CENPF: variants seen among roughly 807,000 people sequenced by gnomAD.
CENPF encodes the protein centromere protein F.
Under a neutral mutation model 307.3 loss-of-function variants are expected in CENPF, and 214 were observed. The observed-to-expected ratio is 0.70, with a 90% CI of 0.62 to 0.78. CENPF has a LOEUF of 0.78. CENPF is among the 30% of genes least tolerant of loss of function. CENPF has a pLI of 0.00. For missense variants in CENPF, 3,401 were observed against 3,483.9 expected (o/e 0.98, Z 0.60); for synonymous variants, 1,259 against 1,270.6 (o/e 0.99, Z 0.19).
At chr1:214,632,148 G>A (rs950365737) in intron 9 of CENPF, among the ~76,000 whole-genome samples, 3 of 152,058 alleles carry the variant, frequency 2.0e-5, no homozygotes, top group African/African-American at 7.3e-5. Flanking sequence ...TTGAAAATGT[G>A]TTCTCTTAGC....
In CENPF at chr1:214,663,935, T is replaced by C; in HGVS notation, c.*141T>C. ...CTTAGAAGTCTTAAATATATTGTAC[T>C]CTTTAGATCTCCCATGTGTAGGTAT... On this transcript the variant is annotated 3_prime_UTR_variant, in exon 20 of 20. Coordinates refer to ENST00000366955, the MANE Select transcript of CENPF (RefSeq NM_016343.4). 1 of 661,206 alleles carries C rather than the reference T, an allele frequency of 1.5e-6. No homozygotes were observed. Among genetic ancestry groups the C allele is most frequent in the African/African-American group, 1.8e-5 (1 of 55,206 alleles). The allele number at this position is 661,206 out of a possible 1,614,324, so 41.0% of individuals were successfully genotyped here. A position where few individuals can be genotyped will look rare whatever the true frequency, so the allele number is the denominator to read the frequency against.
At position 214,622,117 on chromosome 1, in the gene CENPF, C is replaced by A. The variant is rs1657522115; in HGVS notation, c.904C>A (p.Gln302Lys). Residue 302 changes from glutamine to lysine, a missense_variant, in exon 7 of 20, where the codon CAA becomes AAA. By Grantham distance (53) the Gln-to-Lys change is moderately conservative. Transcript: ENST00000366955. ...GATTAATGAGTTGGAACTACGCCTG[C>A]AAGGACATGAAAAAGAAATGAAAGG... ...NKINELELRLQGHEKEMKGQV... is the reference protein window; with the variant it reads ...NKINELELRLKGHEKEMKGQV... The A allele has an allele frequency of 1.2e-6, 2 of 1,613,858 alleles. No homozygotes were observed. Among genetic ancestry groups the A allele is most frequent in the African/African-American group, 1.3e-5 (1 of 74,886 alleles).
rs755577467 is a variant in CENPF, at chr1:214,657,092, A to G, written c.8645A>G (p.Glu2882Gly). The change falls in exon 18 of 20, where the codon GAG (glutamate) becomes GGG (glycine). Residue 2882 changes from glutamate to glycine, a missense_variant. Physicochemically the swap from Glu to Gly is moderately conservative, Grantham distance 98. Coordinates refer to ENST00000366955, the MANE Select transcript of CENPF (RefSeq NM_016343.4). ...EKLEKAKEML[E>G]TQVAHLCSQQ... The stretch of plus-strand genomic sequence containing the variant: ...TTAGAGAAAGCTAAAGAGATGTTAG[A>G]GACACAAGTGGCCCATCTGTGTTCA... 2 of 1,614,224 alleles carry G rather than the reference A, an allele frequency of 1.2e-6. No homozygotes were observed. The highest frequency in any genetic ancestry group is 2.2e-5 in the South Asian group (2 of 91,088).
rs1279454701 is a variant in CENPF, at chr1:214,646,885, G to T, written c.7315G>T (p.Ala2439Ser). The change falls in exon 13 of 20, where the codon GCC becomes TCC. Residue 2439 changes from alanine to serine, a missense_variant. Physicochemically the swap from Ala to Ser is moderately conservative, Grantham distance 99 (BLOSUM62 1). Transcript: ENST00000366955. ...KVQMKEKSSTAMEMLQTQLKE... is the reference protein window; with the variant it reads ...KVQMKEKSSTSMEMLQTQLKE... ...ACAGATGAAAGAAAAATCAAGCACT[G>T]CCATGGAGATGCTTCAAACACAATT... 5 of 1,613,914 alleles carry T rather than the reference G, an allele frequency of 3.1e-6. No individual in the cohort carries two copies. The East Asian group carries it at 8.9e-5, about 29-fold the overall frequency.
At chr1:214,616,661 A>G (rs1657345220) in intron 3 of CENPF, among the ~76,000 whole-genome samples, 1 of 152,170 alleles carries the variant, frequency 6.6e-6, no homozygotes, top group South Asian at 2.1e-4. Flanking sequence ...GAACATTTCC[A>G]TTGGACCTTG....
At chr1:214,632,848 C>T (rs182709429) in intron 10 of CENPF, among the ~76,000 whole-genome samples, 89 of 152,242 alleles carry the variant, frequency 5.8e-4, no homozygotes, top group African/African-American at 2.0e-3. Flanking sequence ...GCATATCTAG[C>T]AATATGTGTC....
At chr1:214,609,582 T>A (rs1260994058) in intron 1 of CENPF, among the ~76,000 whole-genome samples, 1 of 152,204 alleles carries the variant, frequency 6.6e-6, no homozygotes, top group Non-Finnish European at 1.5e-5. Context: ...AAAATATTAT[T>A]TTTTTCTTAG....
At chr1:214,615,083 G>A in intron 3 of CENPF, 55 bp downstream of exon 3, 1 of 1,233,996 alleles carries the variant, frequency 8.1e-7, no homozygotes. Context: ...TTAATCAGAT[G>A]CGTTTGTCTT....
chr1:214,649,725 G>T (rs1434067107), intron 14 of CENPF, among the ~76,000 whole-genome samples: 1 of 152,188 alleles, frequency 6.6e-6, no homozygotes, highest in Admixed American at 6.5e-5. Context: ...TGATATTTGT[G>T]TATTGCGTCT....
intron 9 of CENPF, 69 bp from the exon 10 acceptor site, chr1:214,632,411 T>A: frequency 6.5e-7 from 1 of 1,538,762 alleles, no homozygotes; most frequent in Non-Finnish European, 8.9e-7. Context: ...TTTTATTGTT[T>A]AAGAATACAT....
chr1:214,618,777 C>A, intron 4 of CENPF, 83 bp downstream of exon 4: 3 of 1,349,346 alleles, frequency 2.2e-6, no homozygotes, highest in Non-Finnish European at 3.1e-6. Context: ...ATTAATTCAA[C>A]TTTGAATTAA....
In CENPF at chr1:214,646,816, T is replaced by A. The variant is rs1344126166; in HGVS notation, c.7246T>A (p.Ser2416Thr). ...ERISELEIIN[S>T]SFENILQEKE... Reference sequence around the variant, plus strand: ...AATATCTGAATTAGAAATAATAAATTCATCATTTGAAAATATTTTGCAAGA... The same window carrying A: ...AATATCTGAATTAGAAATAATAAATACATCATTTGAAAATATTTTGCAAGA... Residue 2416 changes from serine to threonine, a missense_variant, in exon 13 of 20, where the codon TCA (serine) becomes ACA (threonine). Ser to Thr is a moderately conservative substitution (Grantham distance 58). Coordinates refer to ENST00000366955, the MANE Select transcript of CENPF (RefSeq NM_016343.4). 1.2e-6 allele frequency: 2 copies of A among 1,610,146 alleles called. No homozygotes were observed. Among genetic ancestry groups the A allele is most frequent in the Non-Finnish European group, 1.7e-6 (2 of 1,178,872 alleles).
chr1:214,663,561 G>C, intron 19 of CENPF, 30 bp from the exon 20 acceptor site: 1 of 1,605,126 alleles, frequency 6.2e-7, no homozygotes, highest in Non-Finnish European at 8.5e-7. Flanking sequence ...GAATGTGATT[G>C]AACCTCTAAC....
Position 214,644,689 on chromosome 1 carries a change from G to A in CENPF, c.5119G>A (p.Glu1707Lys). The part of the protein sequence containing the change: ...DAQQDLNLDI[E>K]KITETGAVKP... ...TCAGCAGGACCTCAATCTAGACATT[G>A]AGAAAATAACTGAGACTGGTGCAGT... is the stretch of plus-strand genomic sequence containing the variant. Residue 1707 changes from glutamate to lysine, a missense_variant, in exon 13 of 20, where the codon GAG becomes AAG. By Grantham distance (56) the Glu-to-Lys change is moderately conservative. Coordinates refer to ENST00000366955, the MANE Select transcript of CENPF (RefSeq NM_016343.4). 6.2e-7 allele frequency: 1 copy of A among 1,614,010 alleles called. No homozygotes were observed. Among genetic ancestry groups the A allele is most frequent in the Non-Finnish European group, 8.5e-7 (1 of 1,179,966 alleles).
At position 214,632,606 on chromosome 1, in the gene CENPF, A is replaced by G; in HGVS notation, c.1446+4A>G. On this transcript the variant is annotated splice_donor_region_variant and intron_variant, in intron 10 of 19. Coordinates refer to ENST00000366955, the MANE Select transcript of CENPF (RefSeq NM_016343.4). ...TGAGCTGAGGAGAAGCATGGAGGTA[A>G]GGGAGGAGGATGCCGAATTTTCTCC... is the stretch of plus-strand genomic sequence containing the variant. 1 of 1,612,088 alleles carries G rather than the reference A, an allele frequency of 6.2e-7. No individual in the cohort carries two copies. The highest frequency in any genetic ancestry group is 1.1e-5 in the South Asian group (1 of 90,514).
Position 214,637,997 on chromosome 1 carries a change from G to A in CENPF, c.1578G>A (p.Met526Ile). 2 of 1,608,424 alleles carry A rather than the reference G, an allele frequency of 1.2e-6. No homozygotes were observed. The highest frequency in any genetic ancestry group is 1.3e-5 in the African/African-American group (1 of 74,728). Reference sequence around the variant, plus strand: ...AGAGCCAGAATTTTGCAGAAGAAATGAAAGGTAAGTAAACTTAGTATTTTA... The same window carrying A: ...AGAGCCAGAATTTTGCAGAAGAAATAAAAGGTAAGTAAACTTAGTATTTTA... ...LNQSQNFAEE[M>I]KAKNTSQETM... The change falls in exon 11 of 20, where the codon ATG becomes ATA. Residue 526 changes from methionine to isoleucine, a missense_variant. Transcript: ENST00000366955.
chr1:214,642,462 A>G lies in CENPF; in HGVS notation c.4124A>G (p.Glu1375Gly), dbSNP rs146531387. Residue 1375 changes from glutamate (E) to glycine (G), a missense_variant, in exon 12 of 20, where the codon GAA becomes GGA. Coordinates refer to ENST00000366955, the MANE Select transcript of CENPF (RefSeq NM_016343.4). ...PGGEFGEQPN[E>G]QHPVSLAPLD... is the part of the protein sequence containing the mutation. ...GGTGAATTTGGTGAACAACCAAATG[A>G]ACAGCACCCTGTGTCTTTGGCTCCA... 1 of 1,603,050 alleles carries G rather than the reference A, an allele frequency of 6.2e-7. No homozygotes were observed. The highest frequency in any genetic ancestry group is 2.2e-5 in the East Asian group (1 of 44,792).
At chr1:214,649,245 A>G (rs1658397903) in intron 14 of CENPF, among the ~76,000 whole-genome samples, 1 of 152,208 alleles carries the variant, frequency 6.6e-6, no homozygotes, top group Non-Finnish European at 1.5e-5. Context: ...AACTAAAGTC[A>G]TAGTTTTAGG....
chr1:214,639,226 G>C (rs1658041564), intron 11 of CENPF, among the ~76,000 whole-genome samples: 1 of 152,100 alleles, frequency 6.6e-6, no homozygotes, highest in Non-Finnish European at 1.5e-5. Flanking sequence ...AACCAGGAGG[G>C]GCCAGTATGT....
Sources: allele counts gnomAD v4.1 joint callset (sites outside exome capture counted in the v4.1 genomes callset), GRCh38; gene constraint gnomAD v4.1.1; transcripts MANE v1.5; gene names NCBI Gene and HGNC (gene_info 2026-07-23, HGNC 2026-07-21).